Variants in ARHGAP21 observed in about 807,000 individuals in gnomAD.
ARHGAP21 encodes Rho GTPase activating protein 21.
Under a neutral mutation model 164.6 loss-of-function variants are expected in ARHGAP21, and 38 were observed. That is an observed-to-expected ratio of 0.23 (90% CI 0.18 to 0.30). ARHGAP21 has a LOEUF of 0.30. Among genes scored for constraint, ARHGAP21 ranks in the 10% least tolerant of loss-of-function variants. ARHGAP21 has a pLI of 1.00. For synonymous variants in ARHGAP21, 766 were observed against 857.9 expected (o/e 0.89, Z 1.87); for missense variants, 1,822 against 2,370.7 (o/e 0.77, Z 4.81).
At chr10:24,595,632 T>C in intron 19 of ARHGAP21, 85 bp downstream of exon 19, 7 of 1,360,330 alleles carry the variant, frequency 5.1e-6, no homozygotes, top group Non-Finnish European at 7.2e-6. Context: ...CAAGACATTT[T>C]GTCCTTGTTC....
chr10:24,591,656 C>A lies in ARHGAP21; in HGVS notation c.4030G>T (p.Ala1344Ser). ...ACAATACTTACAAGAGGCTCTTCAG[C>A]ACCTTCTTCTGTGAAAAACCAGTCA... ...HHDWFFTEEGAEEPLTTVQEE... is the reference protein window; with the variant it reads ...HHDWFFTEEGSEEPLTTVQEE... The change falls in exon 23 of 26, where the codon GCT (alanine) becomes TCT (serine). Residue 1344 changes from alanine to serine, a missense_variant. Physicochemically the swap from Ala to Ser is moderately conservative, Grantham distance 99. This residue lies in a region of ARHGAP21 where 333 missense variants were observed against 383.9 expected (regional missense o/e 0.87). Coordinates refer to ENST00000396432, the MANE Select transcript of ARHGAP21 (RefSeq NM_020824.4). The A allele has an allele frequency of 6.2e-7, 1 of 1,614,116 alleles. No individual in the cohort carries two copies. The highest frequency in any genetic ancestry group is 2.2e-5 in the East Asian group (1 of 44,882).
intron 2 of ARHGAP21, among the ~76,000 whole-genome samples, chr10:24,707,492 C>A (rs1217181401): frequency 6.6e-6 from 1 of 152,142 alleles, no homozygotes; most frequent in Non-Finnish European, 1.5e-5. Flanking sequence ...TTTCTAAAGC[C>A]CTCTTCAACA....
intron 2 of ARHGAP21, among the ~76,000 whole-genome samples, chr10:24,713,428 T>C (rs112432323): frequency 0.013 from 1,949 of 152,322 alleles, 33 homozygotes; most frequent in African/African-American, 0.045. Flanking sequence ...TTAACTTCCC[T>C]GTTTTTTTAT....
At position 24,623,067 on chromosome 10, in the gene ARHGAP21, T is replaced by C. The variant is rs2131221062; in HGVS notation, c.496-305A>G. ...CAATATGCACTGCTGTCTGATAACA[T>C]GCTACAAAGCTTCCCTCCACGAAAG... On this transcript the variant is annotated intron_variant, in intron 7 of 25. Coordinates refer to ENST00000396432, the MANE Select transcript of ARHGAP21 (RefSeq NM_020824.4). 1.3e-5 allele frequency among the ~76,000 whole-genome samples: 2 copies of C among 152,294 alleles called. 1 individual carries two copies. Among genetic ancestry groups the C allele is most frequent in the East Asian group, 3.9e-4 (2 of 5,176 alleles).
chr10:24,709,409 C>T (rs1555020424), intron 2 of ARHGAP21, among the ~76,000 whole-genome samples: 1 of 152,158 alleles, frequency 6.6e-6, no homozygotes, highest in Non-Finnish European at 1.5e-5. Context: ...TTCTCCCTAA[C>T]TCATTCTATG....
intron 2 of ARHGAP21, among the ~76,000 whole-genome samples, chr10:24,689,633 C>A (rs375233703): frequency 6.6e-6 from 1 of 151,668 alleles, no homozygotes; most frequent in Non-Finnish European, 1.5e-5. Context: ...CTCAGCTACC[C>A]GGGAGGCTGA....
intron 11 of ARHGAP21, among the ~76,000 whole-genome samples, 168 bp from the exon 12 acceptor site, chr10:24,604,516 A>T (rs1219549219): frequency 6.6e-6 from 1 of 152,234 alleles, no homozygotes; most frequent in Admixed American, 6.5e-5. Context: ...CTAATTTTAT[A>T]AAAAATGTTC....
chr10:24,647,353 A>G (rs539094969), intron 4 of ARHGAP21, among the ~76,000 whole-genome samples: 4 of 152,242 alleles, frequency 2.6e-5, no homozygotes, highest in Non-Finnish European at 5.9e-5. Flanking sequence ...GTTGTTATGT[A>G]AATCCAAGAT....
chr10:24,672,969 A>C (rs1347376769), intron 2 of ARHGAP21, among the ~76,000 whole-genome samples: 1 of 152,258 alleles, frequency 6.6e-6, no homozygotes, highest in Non-Finnish European at 1.5e-5. Context: ...TTACATTAAA[A>C]TATGAAATAT....
In ARHGAP21 at chr10:24,722,135, T is replaced by A; in HGVS notation, c.-236A>T. Reference sequence around the variant, plus strand: ...GCCTTCTTCTTCCATTTCTGGAGACTTAAAAACAAAGGCGACAGGTCTTCT... The same window carrying A: ...GCCTTCTTCTTCCATTTCTGGAGACATAAAAACAAAGGCGACAGGTCTTCT... On this transcript the variant is annotated 5_prime_UTR_variant, in exon 2 of 26. The change creates a new upstream start codon in the 5' untranslated region. Transcript: ENST00000396432. 3.5e-6 allele frequency: 2 copies of A among 566,020 alleles called. No individual in the cohort carries two copies. The highest frequency in any genetic ancestry group is 6.3e-6 in the Non-Finnish European group (2 of 314,966). The allele number at this position is 566,020 out of a possible 1,614,324, so 35.1% of individuals were successfully genotyped here.
chr10:24,588,516 T>C (rs1358183284), intron 25 of ARHGAP21, among the ~76,000 whole-genome samples: 1 of 152,218 alleles, frequency 6.6e-6, no homozygotes, highest in Non-Finnish European at 1.5e-5. Context: ...TTTGTAAGAA[T>C]TATAATTTAA....
rs139513788 is a variant in ARHGAP21 at position 24,651,830 on chromosome 10, T to C, written c.268+15155A>G. Among the ~76,000 whole-genome samples the C allele has an allele frequency of 5.1e-3, 778 of 152,332 alleles. 8 individuals carry two copies. Among genetic ancestry groups the C allele is most frequent in the African/African-American group, 0.018 (751 of 41,572 alleles). On this transcript the variant is annotated intron_variant, in intron 4 of 25. Transcript: ENST00000396432. ...TTCCATATTTCAAATATTCCAGTATTATAAACAATATAAAACAAATCAAAA... is the reference window on the plus strand; with the variant it reads ...TTCCATATTTCAAATATTCCAGTATCATAAACAATATAAAACAAATCAAAA...
intron 9 of ARHGAP21, among the ~76,000 whole-genome samples, chr10:24,612,552 T>C (rs2077307318): frequency 6.6e-6 from 1 of 152,204 alleles, no homozygotes; most frequent in Non-Finnish European, 1.5e-5. Context: ...TAATGGATTC[T>C]GTGTCTTAAA....
intron 9 of ARHGAP21, among the ~76,000 whole-genome samples, chr10:24,610,444 C>CTTA (rs2077210037): frequency 2.0e-5 from 3 of 150,444 alleles, no homozygotes; most frequent in South Asian, 4.2e-4. Flanking sequence ...ATAAAAAGAA[C>CTTA]GGTGAAGGAC....
At chr10:24,666,053 G>A (rs923860625) in intron 4 of ARHGAP21, among the ~76,000 whole-genome samples, 3 of 152,076 alleles carry the variant, frequency 2.0e-5, no homozygotes, top group South Asian at 2.1e-4. Context: ...TTTTTGAGAC[G>A]GAGTCTCGCC....
chr10:24,593,309 T>C (rs1028113323), intron 21 of ARHGAP21, among the ~76,000 whole-genome samples: 2 of 152,292 alleles, frequency 1.3e-5, no homozygotes, highest in East Asian at 3.9e-4. Flanking sequence ...CACCCAGAAA[T>C]GTTTCTGGTC....
chr10:24,666,436 TAA>T (rs913542007), intron 4 of ARHGAP21, among the ~76,000 whole-genome samples: 2 of 152,222 alleles, frequency 1.3e-5, no homozygotes, highest in African/African-American at 2.4e-5. Flanking sequence ...TATCTAGAAA[TAA>T]AAGTTTTTAA....
At chr10:24,606,056 G>A (rs2077010979) in intron 11 of ARHGAP21, among the ~76,000 whole-genome samples, 2 of 152,062 alleles carry the variant, frequency 1.3e-5, no homozygotes, top group South Asian at 4.1e-4. Flanking sequence ...AAAATGTAAA[G>A]TTGTCTCTTT....
In ARHGAP21 at chr10:24,597,595, A is replaced by AATGAC; in HGVS notation, c.3198-17_3198-13dup. ...ACTGTTCTGCTTTGCTGTTGAAGGA[A>AATGAC]ATGACATTTGTTAACAATTACAGTA... On this transcript the variant is annotated splice_polypyrimidine_tract_variant and intron_variant, in intron 15 of 25. Coordinates refer to ENST00000396432, the MANE Select transcript of ARHGAP21 (RefSeq NM_020824.4). The AATGAC allele has an allele frequency of 6.2e-7, 1 of 1,613,402 alleles. No individual in the cohort carries two copies. Among genetic ancestry groups the AATGAC allele is most frequent in the Non-Finnish European group, 8.5e-7 (1 of 1,179,726 alleles).
Sources: allele counts gnomAD v4.1 joint callset (sites outside exome capture counted in the v4.1 genomes callset), GRCh38; gene constraint gnomAD v4.1.1; regional missense constraint gnomAD v4.1.1; transcripts MANE v1.5; gene names NCBI Gene and HGNC (gene_info 2026-07-23, HGNC 2026-07-21).